Variants in CLCN5 observed in about 807,000 individuals in gnomAD.
CLCN5 encodes H(+)/Cl(-) exchange transporter 5.
CLCN5 carries 17 observed loss-of-function variants against 54.0 expected under a neutral mutation model. The ratio of observed to expected loss-of-function variants is 0.31; its 90% CI spans 0.22 to 0.47. The LOEUF is 0.47. Among genes scored for constraint, CLCN5 ranks in the 20% least tolerant of loss-of-function variants. CLCN5 has a pLI of 1.00. For synonymous variants in CLCN5, 222 were observed against 233.0 expected (o/e 0.95, Z 0.43); for missense variants, 448 against 646.7 (o/e 0.69, Z 3.33).
At chrX:49,936,903 C>G (rs1215233470) in intron 3 of CLCN5, among the ~76,000 whole-genome samples, 3 of 111,546 alleles carry the variant, frequency 2.7e-5, no homozygotes, top group African/African-American at 9.8e-5. Flanking sequence ...ATGATATTTA[C>G]ATACTATGGA....
At chrX:50,082,303 C>G (rs1457359470) in intron 9 of CLCN5, among the ~76,000 whole-genome samples, 1 of 109,471 alleles carries the variant, frequency 9.1e-6, no homozygotes, top group Non-Finnish European at 1.9e-5. Flanking sequence ...GGTTTTACCC[C>G]AAACTGGTTT....
rs370200814 is a variant in CLCN5 at position 50,092,186 on chromosome X, G to A, written c.2418G>A (p.Ala806=). 37 of 1,199,963 alleles carry A rather than the reference G, an allele frequency of 3.1e-5. No homozygotes were observed. The highest frequency in any genetic ancestry group is 2.7e-4 in the South Asian group (15 of 56,539). ...KDVLKHIAQM[A]NQDPDSILFN The stretch of plus-strand genomic sequence containing the variant: ...TGTTAAAGCATATAGCACAGATGGC[G>A]AACCAAGATCCTGATTCCATTCTCT... Residue 806 remains alanine (A), a synonymous_variant, in exon 15 of 15, where the codon GCG becomes GCA. Transcript: ENST00000376091.
At chrX:50,073,168 C>T (rs1933282137) in intron 6 of CLCN5, among the ~76,000 whole-genome samples, 1 of 111,540 alleles carries the variant, frequency 9.0e-6, no homozygotes, top group Admixed American at 9.6e-5. Flanking sequence ...ACTTACTGTA[C>T]AAATACAGCT....
chrX:50,019,581 T>C (rs1296637705), intron 3 of CLCN5, among the ~76,000 whole-genome samples: 1 of 56,533 alleles, frequency 1.8e-5, no homozygotes, highest in Non-Finnish European at 3.2e-5. Flanking sequence ...CACCCACTAA[T>C]GTGTCATCTA....
chrX:49,956,708 A>G (rs782291370), intron 3 of CLCN5, among the ~76,000 whole-genome samples: 1 of 112,118 alleles, frequency 8.9e-6, no homozygotes, highest in South Asian at 3.8e-4. Context: ...ACAACAAGGT[A>G]TTTAATATTA....
chrX:49,977,341 A>C (rs1928527709), intron 3 of CLCN5, among the ~76,000 whole-genome samples: 1 of 111,775 alleles, frequency 8.9e-6, no homozygotes, highest in Non-Finnish European at 1.9e-5. Flanking sequence ...CAGTCTTTTC[A>C]AAATTTGTGA....
In CLCN5 at chrX:50,097,598, C is replaced by G. The variant is rs1312168916; in HGVS notation, c.*5379C>G. Reference sequence around the variant, plus strand: ...TCTGCCTCTCTTCTCTCTGCCTCGTCCCACCTTGCTGTCTGTCTCATTGTC... The same window carrying G: ...TCTGCCTCTCTTCTCTCTGCCTCGTGCCACCTTGCTGTCTGTCTCATTGTC... On this transcript the variant is annotated 3_prime_UTR_variant, in exon 15 of 15. Transcript: ENST00000376091. The G allele has an allele frequency of 9.0e-6, 1 of 111,505 alleles. No individual in the cohort carries two copies. 9.2% of individuals were successfully genotyped at this position (111,505 alleles called of 1,213,427 possible). A position where few individuals can be genotyped will look rare whatever the true frequency, so the allele number is the denominator to read the frequency against.
chrX:49,962,466 C>T (rs531301231), intron 3 of CLCN5, among the ~76,000 whole-genome samples: 4 of 111,568 alleles, frequency 3.6e-5, no homozygotes, highest in African/African-American at 9.8e-5. Context: ...CCCATAGCAG[C>T]GGCGAATCCC....
At chrX:50,086,113 T>A in intron 10 of CLCN5, 53 bp downstream of exon 10, 2 of 994,210 alleles carry the variant, frequency 2.0e-6, no homozygotes, top group South Asian at 1.9e-5. Context: ...AGGAATTTTG[T>A]ACATTGCAGC....
intron 3 of CLCN5, among the ~76,000 whole-genome samples, chrX:50,019,622 C>T (rs1789462599): frequency 2.1e-5 from 1 of 47,369 alleles, no homozygotes; most frequent in Middle Eastern, 8.1e-3. Flanking sequence ...TGCTATCCCT[C>T]CCCCCTCCCC....
chrX:50,066,523 G>A (rs1318414943), intron 4 of CLCN5, among the ~76,000 whole-genome samples: 1 of 112,220 alleles, frequency 8.9e-6, no homozygotes, highest in Non-Finnish European at 1.9e-5. Flanking sequence ...CTGTGACTGG[G>A]TTAATGTTTA....
intron 9 of CLCN5, among the ~76,000 whole-genome samples, chrX:50,082,065 G>A (rs1392181865): frequency 9.0e-6 from 1 of 111,143 alleles, no homozygotes; most frequent in Non-Finnish European, 1.9e-5. Context: ...AAAAACTGAA[G>A]CAACAAAAAT....
intron 3 of CLCN5, among the ~76,000 whole-genome samples, chrX:49,956,637 C>T (rs782550749): frequency 1.8e-5 from 2 of 111,324 alleles, no homozygotes; most frequent in East Asian, 2.8e-4. Context: ...CTTTCAGATA[C>T]GGGACAGGTA....
chrX:50,018,976 T>C (rs1344250897), intron 3 of CLCN5, among the ~76,000 whole-genome samples: 1 of 112,150 alleles, frequency 8.9e-6, no homozygotes, highest in African/African-American at 3.2e-5. Flanking sequence ...AAGGGTTCCC[T>C]TTGCTTCTAT....
In CLCN5 at chrX:50,045,904, T is replaced by C. The variant is rs782667884; in HGVS notation, c.163+3442T>C. Among the ~76,000 whole-genome samples, 23 of 112,447 alleles carry C rather than the reference T, an allele frequency of 2.0e-4. No individual in the cohort carries two copies. In the South Asian group the frequency reaches 8.1e-3, roughly 40 times the overall value. The stretch of plus-strand genomic sequence containing the variant: ...AACAAAAAGGTCACAATGTCCTTGA[T>C]ATTCAGAGGTGAAACTGCATAAAAT... On this transcript the variant is annotated intron_variant, in intron 4 of 14. Coordinates refer to ENST00000376091, the MANE Select transcript of CLCN5 (RefSeq NM_001127898.4).
At chrX:49,971,693 C>T (rs1236120808) in intron 3 of CLCN5, among the ~76,000 whole-genome samples, 1 of 111,526 alleles carries the variant, frequency 9.0e-6, no homozygotes, top group Non-Finnish European at 1.9e-5. Flanking sequence ...TTCTTGGCTA[C>T]CCATGGAGGA....
chrX:50,092,089 A>G (rs1557194876), intron 14 of CLCN5, 40 bp from the exon 15 acceptor site: 9 of 1,011,812 alleles, frequency 8.9e-6, no homozygotes, highest in Non-Finnish European at 1.3e-5. Flanking sequence ...TTTTAACTAC[A>G]GATTTATTTT....
chrX:50,055,737 C>A (rs1557188857), intron 4 of CLCN5, among the ~76,000 whole-genome samples: 1 of 111,722 alleles, frequency 9.0e-6, no homozygotes, highest in Non-Finnish European at 1.9e-5. Flanking sequence ...CCAGAGACAA[C>A]CACCAAAAAG....
chrX:50,008,695 A>C (rs1206190376), intron 3 of CLCN5, among the ~76,000 whole-genome samples: 1 of 112,296 alleles, frequency 8.9e-6, no homozygotes, highest in Non-Finnish European at 1.9e-5. Context: ...GGAATTCCTC[A>C]TCATCCATTA....
Sources: allele counts gnomAD v4.1 joint callset (sites outside exome capture counted in the v4.1 genomes callset), GRCh38; gene constraint gnomAD v4.1.1; transcripts MANE v1.5; gene names NCBI Gene and HGNC (gene_info 2026-07-23, HGNC 2026-07-21).